Variants in KASH5 observed in about 807,000 individuals in gnomAD.
KASH5 encodes KASH domain containing 5.
A neutral mutation model predicts 84.2 loss-of-function variants in KASH5; 72 were observed. That is an observed-to-expected ratio of 0.85 (90% CI 0.71 to 1.04). KASH5 has a LOEUF of 1.04. Ranked by LOEUF, KASH5 falls within the 50% of genes least tolerant of loss-of-function variation. The pLI is 0.00. For synonymous variants in KASH5, 260 were observed against 279.1 expected (o/e 0.93, Z 0.68); for missense variants, 650 against 701.0 (o/e 0.93, Z 0.82).
chr19:49,406,524 G>A (rs1267273218), intron 9 of KASH5, among the ~76,000 whole-genome samples: 1 of 152,038 alleles, frequency 6.6e-6, no homozygotes, highest in East Asian at 1.9e-4. Context: ...TTACAGGCAC[G>A]CACTACCATG....
In KASH5 at chr19:49,415,016, C is replaced by A; in HGVS notation, c.1374+20C>A. ...GTCACGGTAGGCAGTCCCCAGCACC[C>A]CTCCCCAGTCCCCATCCACTCCACA... is the stretch of plus-strand genomic sequence containing the variant. On this transcript the variant is annotated intron_variant, in intron 17 of 19. Coordinates refer to ENST00000447857, the MANE Select transcript of KASH5 (RefSeq NM_144688.5). 6.2e-7 allele frequency: 1 copy of A among 1,605,078 alleles called. No individual in the cohort carries two copies. Among genetic ancestry groups the A allele is most frequent in the Non-Finnish European group, 8.5e-7 (1 of 1,175,648 alleles).
intron 11 of KASH5, 69 bp from the exon 12 acceptor site, chr19:49,407,543 C>T (rs1974567398): frequency 6.6e-7 from 1 of 1,508,148 alleles, no homozygotes; most frequent in South Asian, 1.2e-5. Flanking sequence ...AGCCAGTCCC[C>T]CCGCCACCAC....
At chr19:49,403,140 A>G (rs7255184) in intron 9 of KASH5, among the ~76,000 whole-genome samples, 83,704 of 151,696 alleles carry the variant, frequency 0.55, 23,208 homozygotes, top group South Asian at 0.65. Context: ...GGCAGATCAC[A>G]AGGTCAGGAG....
chr19:49,411,515 T>A (rs1974707917), intron 15 of KASH5, among the ~76,000 whole-genome samples: 1 of 152,192 alleles, frequency 6.6e-6, no homozygotes, highest in African/African-American at 2.4e-5. Flanking sequence ...AGAAATCACA[T>A]GCCAATGGTC....
Position 49,409,289 on chromosome 19 carries a change from C to G in KASH5, c.1146+6C>G. The G allele has an allele frequency of 1.2e-6, 2 of 1,613,086 alleles. No individual in the cohort carries two copies. Among genetic ancestry groups the G allele is most frequent in the Non-Finnish European group, 1.7e-6 (2 of 1,179,604 alleles). ...AGATCGAGGCCATTCGACAGGTGGG[C>G]CTAACACCCCTGGAATAAGCTGCAG... On this transcript the variant is annotated splice_donor_region_variant and intron_variant, in intron 14 of 19. Coordinates refer to ENST00000447857, the MANE Select transcript of KASH5 (RefSeq NM_144688.5).
At position 49,407,215 on chromosome 19, in the gene KASH5, G is replaced by C. The variant is rs1398867155; in HGVS notation, c.877-25G>C. The stretch of plus-strand genomic sequence containing the variant: ...AAGGGGAGTCCTGGGAGGCTGGATG[G>C]ATGGACCGGCTCCTTTCTTGGCAGC... On this transcript the variant is annotated intron_variant, in intron 10 of 19. Coordinates refer to ENST00000447857, the MANE Select transcript of KASH5 (RefSeq NM_144688.5). 8.1e-6 allele frequency: 13 copies of C among 1,612,252 alleles called. No individual in the cohort carries two copies. The Admixed American group carries it at 2.2e-4, about 27-fold the overall frequency.
intron 13 of KASH5, 26 bp downstream of exon 13, chr19:49,409,057 G>A (rs1269737096): frequency 6.3e-7 from 1 of 1,583,022 alleles, no homozygotes; most frequent in Admixed American, 1.8e-5. Flanking sequence ...AGGGGTAGGA[G>A]GAGGCAGGAG....
Position 49,399,938 on chromosome 19 carries a change from G to A in KASH5, c.798+431G>A, listed in dbSNP as rs1974307990. On this transcript the variant is annotated intron_variant, in intron 9 of 19. Coordinates refer to ENST00000447857, the MANE Select transcript of KASH5 (RefSeq NM_144688.5). The surrounding 1 kb of genome is among the most constrained non-coding windows in gnomAD (Gnocchi z 4.4). ...TTTCTATATTAGTATTTTTTACAGT[G>A]AATAAAACAGCCAGGCACAGTGGCT... The A allele has an allele frequency of 5.9e-6, 1 of 170,876 alleles. No individual in the cohort carries two copies. Among genetic ancestry groups the A allele is most frequent in the African/African-American group, 2.4e-5 (1 of 42,468 alleles). The allele number at this position is 170,876 out of a possible 1,614,324, so 10.6% of individuals were successfully genotyped here. A position where few individuals can be genotyped will look rare whatever the true frequency, so the allele number is the denominator to read the frequency against.
In KASH5 at chr19:49,416,225, G is replaced by A. The variant is rs1006499002; in HGVS notation, c.1375-790G>A. Among the ~76,000 whole-genome samples the A allele has an allele frequency of 6.6e-6, 1 of 152,168 alleles. No homozygotes were observed. Among genetic ancestry groups the A allele is most frequent in the Non-Finnish European group, 1.5e-5 (1 of 68,024 alleles). On this transcript the variant is annotated intron_variant, in intron 17 of 19. Coordinates refer to ENST00000447857, the MANE Select transcript of KASH5 (RefSeq NM_144688.5). This position sits in a 1 kb window ranked among gnomAD's most constrained non-coding sequence, Gnocchi z 5.4. Reference sequence around the variant, plus strand: ...GGTTTTTGTTTTGAGATGGAGTCTTGCTCTGTCGCCAGGCTGGAGTGCAGT... The same window carrying A: ...GGTTTTTGTTTTGAGATGGAGTCTTACTCTGTCGCCAGGCTGGAGTGCAGT...
chr19:49,417,277 A>G lies in KASH5; in HGVS notation c.1547+11A>G. On this transcript the variant is annotated intron_variant, in intron 19 of 19. Coordinates refer to ENST00000447857, the MANE Select transcript of KASH5 (RefSeq NM_144688.5). This position sits in a 1 kb window ranked among gnomAD's most constrained non-coding sequence, Gnocchi z 5.2. Reference sequence around the variant, plus strand: ...CCCACAGCGGCTCAGGTGTGCCCCCAGGCGTCTCCAGAAGGAAGGAGGTGG... The same window carrying G: ...CCCACAGCGGCTCAGGTGTGCCCCCGGGCGTCTCCAGAAGGAAGGAGGTGG... The G allele has an allele frequency of 6.2e-7, 1 of 1,607,632 alleles. No individual in the cohort carries two copies. The highest frequency in any genetic ancestry group is 1.1e-5 in the South Asian group (1 of 89,982).
Position 49,399,392 on chromosome 19 carries a change from G to T in KASH5, c.748-65G>T, listed in dbSNP as rs548632252. The T allele has an allele frequency of 6.7e-7, 1 of 1,500,268 alleles. No homozygotes were observed. The highest frequency in any genetic ancestry group is 1.4e-5 in the African/African-American group (1 of 72,726). The allele number at this position is 1,500,268 out of a possible 1,614,324, so 92.9% of individuals were successfully genotyped here. Reference sequence around the variant, plus strand: ...CCTGGTTGTGTTTTCAGGGGTGGGAGAAGGGCAACATGGGGGCAAGGAGGC... The same window carrying T: ...CCTGGTTGTGTTTTCAGGGGTGGGATAAGGGCAACATGGGGGCAAGGAGGC... On this transcript the variant is annotated intron_variant, in intron 8 of 19. Transcript: ENST00000447857. The surrounding 1 kb of genome is among the most constrained non-coding windows in gnomAD (Gnocchi z 4.4).
intron 9 of KASH5, among the ~76,000 whole-genome samples, chr19:49,404,906 A>G (rs1261053343): frequency 1.3e-5 from 2 of 152,158 alleles, no homozygotes; most frequent in African/African-American, 2.4e-5. Context: ...AGAAATAATG[A>G]TAGAGGAAAG....
intron 2 of KASH5, among the ~76,000 whole-genome samples, chr19:49,394,186 G>T (rs2085251420): frequency 6.6e-6 from 1 of 152,204 alleles, no homozygotes; most frequent in South Asian, 2.1e-4. Context: ...CTGGAGAGGA[G>T]AGGAGGAAAG....
Position 49,414,974 on chromosome 19 carries a change from A to T in KASH5, c.1352A>T (p.Glu451Val). 1 of 1,613,046 alleles carries T rather than the reference A, an allele frequency of 6.2e-7. No homozygotes were observed. The highest frequency in any genetic ancestry group is 8.5e-7 in the Non-Finnish European group (1 of 1,179,592). The change falls in exon 17 of 20, where the codon GAG becomes GTG. Residue 451 changes from glutamate (E) to valine (V), a missense_variant. By Grantham distance (121) the Glu-to-Val change is moderately radical. Transcript: ENST00000447857. The surrounding 1 kb of genome is among the most constrained non-coding windows in gnomAD (Gnocchi z 4.5). ...AGGTTGACCAGAAGAGAGGAAGAGG[A>T]GGATGCAGAGAGCCAGGTCACGGTA... is the stretch of plus-strand genomic sequence containing the variant. ...SMWLTRREEE[E>V]DAESQVTADL... is the part of the protein sequence containing the mutation.
rs1057513475 is a variant in KASH5, at chr19:49,409,420, TCTAA to T, written c.1146+140_1146+143del. ...GCTCCTATCGCAACCTTAGCTTTTCTCTAACTCTCTCTACCTCGGATCCTAACCC... is the reference window on the plus strand; with the variant it reads ...GCTCCTATCGCAACCTTAGCTTTTCTCTCTCTCTACCTCGGATCCTAACCC... On this transcript the variant is annotated intron_variant, in intron 14 of 19. Transcript: ENST00000447857. 7.8e-5 allele frequency: 73 copies of T among 931,788 alleles called. No individual in the cohort carries two copies. The African/African-American group carries it at 1.1e-3, about 14-fold the overall frequency. The allele number at this position is 931,788 out of a possible 1,614,324, so 57.7% of individuals were successfully genotyped here.
chr19:49,416,372 T>C lies in KASH5; in HGVS notation c.1375-643T>C, dbSNP rs1974904126. Among the ~76,000 whole-genome samples the C allele has an allele frequency of 2.0e-5, 3 of 152,200 alleles. No individual in the cohort carries two copies. Among genetic ancestry groups the C allele is most frequent in the Admixed American group, 2.0e-4 (3 of 15,280 alleles). On this transcript the variant is annotated intron_variant, in intron 17 of 19. Transcript: ENST00000447857. This position sits in a 1 kb window ranked among gnomAD's most constrained non-coding sequence, Gnocchi z 5.4. ...CATGCCCGGCTAATTTTTGTATTTT[T>C]AGTAGAGACGGAGTTTCGCCATGTT... is the stretch of plus-strand genomic sequence containing the variant.
rs1974107828 is a variant in KASH5 at position 49,394,473 on chromosome 19, C to T, written c.44-3C>T. 1.9e-6 allele frequency: 3 copies of T among 1,613,042 alleles called. No individual in the cohort carries two copies. Among genetic ancestry groups the T allele is most frequent in the Non-Finnish European group, 2.5e-6 (3 of 1,179,202 alleles). On this transcript the variant is annotated splice_region_variant and splice_polypyrimidine_tract_variant and intron_variant, in intron 2 of 19. Coordinates refer to ENST00000447857, the MANE Select transcript of KASH5 (RefSeq NM_144688.5). The stretch of plus-strand genomic sequence containing the variant: ...GGTGAGCTGAGCCCTCTTGTCTCCC[C>T]AGTGTACCTCCGGGAGCGGCCTGAG...
Position 49,417,408 on chromosome 19 carries a change from C to CCTG in KASH5, c.1605_1607dup (p.Leu536dup), listed in dbSNP as rs139882972. The CCTG allele has an allele frequency of 6.1e-4, 941 of 1,553,746 alleles. No homozygotes were observed. The highest frequency in any genetic ancestry group is 7.4e-4 in the Non-Finnish European group (846 of 1,148,426). ...CACTGATCCCAGCTCCTGTCCTGGG[C>CCTG]CTGCTGCTGCTGCTGCTGCTCTCTG... On this transcript the variant is annotated inframe_insertion, in exon 20 of 20. Coordinates refer to ENST00000447857, the MANE Select transcript of KASH5 (RefSeq NM_144688.5). This position sits in a 1 kb window ranked among gnomAD's most constrained non-coding sequence, Gnocchi z 5.2.
chr19:49,398,751 G>A (rs1974267574), intron 7 of KASH5, among the ~76,000 whole-genome samples: 1 of 152,048 alleles, frequency 6.6e-6, no homozygotes, highest in Admixed American at 6.6e-5. Flanking sequence ...CATTCTTCAT[G>A]TTTATCGTGG....
Sources: gnomAD v4.1 joint callset for allele counts (sites outside exome capture counted in the v4.1 genomes callset) on GRCh38, gnomAD v4.1.1 for gene constraint, Gnocchi (gnomAD v3.1) non-coding constraint, MANE v1.5 for transcripts, NCBI Gene and HGNC (gene_info 2026-07-23, HGNC 2026-07-21) for gene names.